Variants in PDE10A observed in about 807,000 individuals in gnomAD.
The protein encoded by PDE10A is phosphodiesterase 10A.
A neutral mutation model predicts 97.7 loss-of-function variants in PDE10A; 39 were observed. The ratio of observed to expected loss-of-function variants is 0.40; its 90% CI spans 0.31 to 0.52. The LOEUF is 0.52. Among genes scored for constraint, PDE10A ranks in the 20% least tolerant of loss-of-function variants. The probability of loss-of-function intolerance (pLI) is 0.56; values close to 1 mark genes in which losing one functional copy is unlikely to be tolerated. For synonymous variants in PDE10A, 371 were observed against 376.8 expected, an observed-to-expected ratio of 0.98 and a Z score of 0.18; for missense variants, 731 against 1,047.8, an observed-to-expected ratio of 0.70 and a Z score of 4.17.
At chr6:165,979,473 C>T (rs150884004) in intron 1 of PDE10A, among the ~76,000 whole-genome samples, 5 of 152,308 alleles carry the variant, frequency 3.3e-5, no homozygotes, top group African/African-American at 1.2e-4. Context: ...AAAACTTTCA[C>T]AACTGAATAT....
intron 1 of PDE10A, among the ~76,000 whole-genome samples, chr6:165,813,583 G>T (rs1004899769): frequency 3.3e-5 from 5 of 152,124 alleles, no homozygotes; most frequent in African/African-American, 1.2e-4. Context: ...ATTTAAAGAT[G>T]ACAATGCATC....
At chr6:165,701,193 C>A (rs927400760) in intron 1 of PDE10A, among the ~76,000 whole-genome samples, 1 of 152,232 alleles carries the variant, frequency 6.6e-6, no homozygotes, top group Non-Finnish European at 1.5e-5. Context: ...TGCCTGGCAG[C>A]AAATTCCTGG....
At chr6:165,700,497 A>G (rs550610971) in intron 1 of PDE10A, among the ~76,000 whole-genome samples, 5 of 152,184 alleles carry the variant, frequency 3.3e-5, no homozygotes, top group Admixed American at 6.5e-5. Context: ...CTTTTTTTCA[A>G]AAATGATCTT....
intron 1 of PDE10A, among the ~76,000 whole-genome samples, chr6:165,800,614 C>T (rs1778956926): frequency 6.6e-6 from 1 of 152,176 alleles, no homozygotes; most frequent in Non-Finnish European, 1.5e-5. Context: ...CAAAGTCCCA[C>T]CCCCCGACTT....
intron 11 of PDE10A, among the ~76,000 whole-genome samples, chr6:165,416,899 T>C (rs1048609135): frequency 2.6e-5 from 4 of 152,212 alleles, no homozygotes; most frequent in African/African-American, 9.6e-5. Context: ...AATACAAGGA[T>C]TGTCTGTTTT....
chr6:165,476,321 A>G (rs976907784), intron 3 of PDE10A, among the ~76,000 whole-genome samples: 1 of 152,224 alleles, frequency 6.6e-6, no homozygotes, highest in Admixed American at 6.5e-5. Context: ...AGAATTAACA[A>G]TGAGAGATTA....
chr6:165,643,564 G>A (rs368986511), intron 1 of PDE10A, among the ~76,000 whole-genome samples: 1 of 152,130 alleles, frequency 6.6e-6, no homozygotes, highest in Non-Finnish European at 1.5e-5. Context: ...AAAGTCAGTC[G>A]TGAAAACAGA....
chr6:165,354,249 C>G (rs541938), intron 18 of PDE10A, among the ~76,000 whole-genome samples: 29 of 152,030 alleles, frequency 1.9e-4, no homozygotes, highest in African/African-American at 6.5e-4. Flanking sequence ...AAGACCGTAA[C>G]TTAACAGAGA....
At chr6:165,898,230 G>A (rs1253107173) in intron 1 of PDE10A, among the ~76,000 whole-genome samples, 1 of 152,148 alleles carries the variant, frequency 6.6e-6, no homozygotes, top group Admixed American at 6.5e-5. Flanking sequence ...TTTTTACACT[G>A]AGAAGGTGGC....
chr6:165,569,636 G>C (rs1377887679), intron 1 of PDE10A, among the ~76,000 whole-genome samples: 1 of 152,108 alleles, frequency 6.6e-6, no homozygotes, highest in Non-Finnish European at 1.5e-5. Flanking sequence ...TATAGGAAAT[G>C]TTCCTCTTGT....
intron 1 of PDE10A, among the ~76,000 whole-genome samples, chr6:165,618,132 T>G (rs1402899838): frequency 1.3e-5 from 2 of 152,224 alleles, no homozygotes; most frequent in Non-Finnish European, 2.9e-5. Flanking sequence ...CTATATGTAT[T>G]CAATATATGT....
At position 165,766,551 on chromosome 6, in the gene PDE10A, G is replaced by A. The variant is rs183311174; in HGVS notation, c.-615+220978C>T. ...TACAAATTAAGGTCAATCTTCCGTG[G>A]GATTGTTTTGCTTTTGCAAACTGGT... On this transcript the variant is annotated intron_variant, in intron 1 of 19. Coordinates refer to the PDE10A transcript ENST00000366882. Among the ~76,000 whole-genome samples the A allele has an allele frequency of 4.2e-3, 633 of 152,300 alleles. 2 individuals carry two copies. The highest frequency in any genetic ancestry group is 6.9e-3 in the Non-Finnish European group (470 of 68,030).
At chr6:165,339,224 C>A (rs1239341791) in intron 20 of PDE10A, 54 bp downstream of exon 20, 1 of 990,796 alleles carries the variant, frequency 1.0e-6, no homozygotes, top group Non-Finnish European at 1.6e-6. Context: ...TGATTTTATG[C>A]CCACCTTAAA....
At chr6:165,765,601 G>A (rs911481176) in intron 1 of PDE10A, among the ~76,000 whole-genome samples, 3 of 152,264 alleles carry the variant, frequency 2.0e-5, no homozygotes, top group Middle Eastern at 3.4e-3. Flanking sequence ...CCAAGCCCAC[G>A]CCCACCTGGA....
intron 1 of PDE10A, among the ~76,000 whole-genome samples, chr6:165,724,543 C>T (rs1197586319): frequency 2.6e-5 from 4 of 152,204 alleles, no homozygotes; most frequent in Non-Finnish European, 5.9e-5. Flanking sequence ...TTGATATCCT[C>T]GTGGGCTTCG....
rs79583834 is a variant in PDE10A at position 165,760,948 on chromosome 6, T to C, written c.-614-217380A>G. ...GAGGACTGAAAGTGGAAGAAGGTAA[T>C]ATGAAACTGACAGCCAAGTATGAAG... On this transcript the variant is annotated intron_variant, in intron 1 of 19. Coordinates refer to the PDE10A transcript ENST00000366882. Among the ~76,000 whole-genome samples the C allele has an allele frequency of 2.2e-4, 34 of 152,186 alleles. 1 individual carries two copies. The East Asian group carries it at 6.4e-3, about 29-fold the overall frequency.
intron 11 of PDE10A, among the ~76,000 whole-genome samples, chr6:165,417,442 T>A (rs1381342310): frequency 6.6e-6 from 1 of 152,252 alleles, no homozygotes; most frequent in Non-Finnish European, 1.5e-5. Context: ...ATGGCTGCCA[T>A]TAACCAGTCA....
At chr6:165,981,461 G>A (rs1785012767) in intron 1 of PDE10A, among the ~76,000 whole-genome samples, 1 of 152,178 alleles carries the variant, frequency 6.6e-6, no homozygotes, top group Admixed American at 6.5e-5. Context: ...GGAGGAGAGA[G>A]GCACATGGGG....
chr6:165,976,024 C>T (rs1441957688), intron 1 of PDE10A, among the ~76,000 whole-genome samples: 1 of 152,002 alleles, frequency 6.6e-6, no homozygotes. Flanking sequence ...AGAGACTGAA[C>T]AACAAAAATG....
Sources: allele counts gnomAD v4.1 joint callset (sites outside exome capture counted in the v4.1 genomes callset), GRCh38; gene constraint gnomAD v4.1.1; transcripts MANE v1.5; gene names NCBI Gene and HGNC (gene_info 2026-07-23, HGNC 2026-07-21).